Variants in COL24A1 observed in about 807,000 individuals in gnomAD.
COL24A1 encodes the protein collagen type XXIV alpha 1 chain, also known as collagen alpha-1(XXIV) chain.
Under a neutral mutation model 253.9 loss-of-function variants are expected in COL24A1, and 224 were observed. The observed-to-expected ratio is 0.88, with a 90% CI of 0.79 to 0.99. The LOEUF (loss-of-function observed/expected upper bound fraction) is 0.99. Ranked by LOEUF, COL24A1 falls within the 50% of genes least tolerant of loss-of-function variation. The pLI, the probability that COL24A1 is intolerant of heterozygous loss-of-function variation, is 0.00. For synonymous variants in COL24A1, 685 were observed against 673.7 expected, an observed-to-expected ratio of 1.02 and a Z score of -0.26; for missense variants, 2,131 against 2,068.5, an observed-to-expected ratio of 1.03 and a Z score of -0.59.
intron 37 of COL24A1, among the ~76,000 whole-genome samples, chr1:85,855,515 A>G (rs987913805): frequency 1.3e-5 from 2 of 152,190 alleles, no homozygotes; most frequent in Non-Finnish European, 2.9e-5. Context: ...GATCACATTT[A>G]TTGATTTACA....
At position 85,964,621 on chromosome 1, in the gene COL24A1, C is replaced by G. The variant is rs117955039; in HGVS notation, c.2517+388G>C. On this transcript the variant is annotated intron_variant, in intron 23 of 59. Coordinates refer to ENST00000370571, the MANE Select transcript of COL24A1 (RefSeq NM_152890.7). Reference sequence around the variant, plus strand: ...GATTGAGCATCCAAAATCTGAAGATCTGAAATCATAAATGTTCCAAAATCT... The same window carrying G: ...GATTGAGCATCCAAAATCTGAAGATGTGAAATCATAAATGTTCCAAAATCT... Among the ~76,000 whole-genome samples, 7 of 152,182 alleles carry G rather than the reference C, an allele frequency of 4.6e-5. No individual in the cohort carries two copies. In the South Asian group the frequency reaches 1.2e-3, roughly 27 times the overall value.
rs571124337 is a variant in COL24A1, at chr1:85,795,968, T to C, written c.3952-9507A>G. ...CAAAGGATTGGTGTTTAAAAATATG[T>C]GGGATGGTAATTATTAGGTGATTAT... On this transcript the variant is annotated intron_variant, in intron 47 of 59. Transcript: ENST00000370571. Among the ~76,000 whole-genome samples the C allele has an allele frequency of 2.0e-5, 3 of 152,280 alleles. No homozygotes were observed. The East Asian group carries it at 5.8e-4, about 29-fold the overall frequency.
intron 18 of COL24A1, among the ~76,000 whole-genome samples, chr1:86,021,773 T>C (rs980789538): frequency 2.6e-5 from 4 of 152,104 alleles, no homozygotes; most frequent in African/African-American, 9.6e-5. Context: ...ATATAAGGTA[T>C]CTTTTTCTTT....
chr1:85,745,526 T>G lies in COL24A1; in HGVS notation c.4438-20A>C. 6.3e-7 allele frequency: 1 copy of G among 1,593,288 alleles called. No homozygotes were observed. The highest frequency in any genetic ancestry group is 8.6e-7 in the Non-Finnish European group (1 of 1,167,356). Reference sequence around the variant, plus strand: ...TTGCTTCTGTGTAAAACAAAACCATTTGAGATTAGCAATAAGATCAACACT... The same window carrying G: ...TTGCTTCTGTGTAAAACAAAACCATGTGAGATTAGCAATAAGATCAACACT... On this transcript the variant is annotated intron_variant, in intron 55 of 59. Coordinates refer to ENST00000370571, the MANE Select transcript of COL24A1 (RefSeq NM_152890.7).
At chr1:85,933,776 T>A (rs956728073) in intron 24 of COL24A1, among the ~76,000 whole-genome samples, 5 of 152,196 alleles carry the variant, frequency 3.3e-5, no homozygotes, top group Admixed American at 1.3e-4. Flanking sequence ...TTTATTTATA[T>A]TTACTACTAT....
At chr1:85,901,358 C>G (rs770504222) in intron 28 of COL24A1, among the ~76,000 whole-genome samples, 5 of 152,084 alleles carry the variant, frequency 3.3e-5, no homozygotes, top group African/African-American at 4.8e-5. Context: ...AAGATATCAT[C>G]ATATCACAGG....
chr1:85,766,230 T>C (rs1667350560), intron 53 of COL24A1, among the ~76,000 whole-genome samples: 1 of 149,790 alleles, frequency 6.7e-6, no homozygotes, highest in Non-Finnish European at 1.5e-5. Context: ...ATTAGCTGGG[T>C]GTGGTGCTGG....
chr1:85,769,949 C>G (rs1048557256), intron 53 of COL24A1, among the ~76,000 whole-genome samples: 1 of 152,046 alleles, frequency 6.6e-6, no homozygotes, highest in East Asian at 1.9e-4. Context: ...ATAGGTACTT[C>G]AGGCTTCCTA....
At chr1:86,112,744 T>A in intron 4 of COL24A1, 124 bp from the exon 5 acceptor site, 1 of 812,196 alleles carries the variant, frequency 1.2e-6, no homozygotes, top group Non-Finnish European at 1.9e-6. Context: ...TATGTTATTA[T>A]GTATGCCTTA....
chr1:85,956,582 A>G (rs2100632899), intron 24 of COL24A1, among the ~76,000 whole-genome samples: 1 of 152,356 alleles, frequency 6.6e-6, no homozygotes, highest in African/African-American at 2.4e-5. Context: ...TTATGTTTTA[A>G]GAGATGAAAC....
chr1:86,010,059 C>A (rs1177111237), intron 19 of COL24A1, among the ~76,000 whole-genome samples: 6 of 151,408 alleles, frequency 4.0e-5, no homozygotes, highest in East Asian at 3.9e-4. Flanking sequence ...TTCACACACA[C>A]AAAAAAAACT....
chr1:86,147,092 A>T (rs185699169), intron 1 of COL24A1, among the ~76,000 whole-genome samples: 11 of 152,298 alleles, frequency 7.2e-5, no homozygotes, highest in Non-Finnish European at 1.5e-4. Context: ...TGTAAAATGC[A>T]GTTCCGCAAG....
At chr1:86,142,611 G>A (rs1651319008) in intron 2 of COL24A1, among the ~76,000 whole-genome samples, 1 of 151,364 alleles carries the variant, frequency 6.6e-6, no homozygotes, top group Admixed American at 6.6e-5. Flanking sequence ...AATAGTAAGT[G>A]ATGAAAAATC....
At chr1:85,795,486 T>C (rs536703441) in intron 47 of COL24A1, among the ~76,000 whole-genome samples, 14 of 152,236 alleles carry the variant, frequency 9.2e-5, no homozygotes, top group African/African-American at 2.6e-4. Context: ...ATTCTAAAAA[T>C]AGCTAAAAAT....
intron 24 of COL24A1, among the ~76,000 whole-genome samples, chr1:85,932,553 G>C (rs1411195106): frequency 9.3e-6 from 1 of 107,046 alleles, no homozygotes; most frequent in African/African-American, 4.0e-5. Flanking sequence ...TCTAGAACTA[G>C]AAATACCATT....
At chr1:85,927,118 C>G (rs912156987) in intron 24 of COL24A1, among the ~76,000 whole-genome samples, 2 of 152,134 alleles carry the variant, frequency 1.3e-5, no homozygotes, top group Non-Finnish European at 2.9e-5. Context: ...CTACAGCTCC[C>G]AGCGTGAGCG....
At chr1:85,911,569 T>C in intron 24 of COL24A1, 136 bp from the exon 25 acceptor site, 1 of 742,346 alleles carries the variant, frequency 1.3e-6, no homozygotes, top group Middle Eastern at 2.4e-4. Context: ...AATTCCTCCT[T>C]GTATAGCTAT....
At chr1:85,855,563 A>G (rs2102385083) in intron 37 of COL24A1, among the ~76,000 whole-genome samples, 1 of 152,330 alleles carries the variant, frequency 6.6e-6, no homozygotes. Flanking sequence ...AATAAAGCCT[A>G]CTTGATCATG....
chr1:86,072,730 GA>G (rs1351602038), intron 7 of COL24A1, among the ~76,000 whole-genome samples: 7 of 152,246 alleles, frequency 4.6e-5, no homozygotes, highest in African/African-American at 1.7e-4. Context: ...CCTCATACAG[GA>G]TAGCTCCAGC....
Sources: allele counts gnomAD v4.1 joint callset (sites outside exome capture counted in the v4.1 genomes callset), GRCh38; gene constraint gnomAD v4.1.1; transcripts MANE v1.5; gene names NCBI Gene and HGNC (gene_info 2026-07-23, HGNC 2026-07-21).